Variants in DNM3 observed in about 807,000 individuals in gnomAD.
DNM3 encodes dynamin-3.
A neutral mutation model predicts 101.6 loss-of-function variants in DNM3; 47 were observed. That is an observed-to-expected ratio of 0.46 (90% CI 0.37 to 0.59). DNM3 has a LOEUF of 0.59. DNM3 is among the 20% of genes least tolerant of loss of function. The probability of loss-of-function intolerance (pLI) is 0.00; values close to 1 mark genes in which losing one functional copy is unlikely to be tolerated. For missense variants in DNM3, 849 were observed against 1,085.7 expected, an observed-to-expected ratio of 0.78 and a Z score of 3.06; for synonymous variants, 385 against 387.9, an observed-to-expected ratio of 0.99 and a Z score of 0.09.
At chr1:172,113,847 G>T (rs1279420978) in intron 13 of DNM3, among the ~76,000 whole-genome samples, 1 of 152,054 alleles carries the variant, frequency 6.6e-6, no homozygotes, top group African/African-American at 2.4e-5. Flanking sequence ...CAAATTTATT[G>T]TGAGTGTCTT....
intron 14 of DNM3, chr1:172,132,902 G>T: frequency 2.0e-6 from 2 of 1,019,458 alleles, no homozygotes; most frequent in Non-Finnish European, 3.0e-6. Flanking sequence ...ATTTAGTCTT[G>T]GCGAGGATAA....
intron 14 of DNM3, among the ~76,000 whole-genome samples, chr1:172,153,529 C>T (rs77733740): frequency 1.2e-3 from 177 of 152,232 alleles, no homozygotes; most frequent in Middle Eastern, 3.4e-3. Context: ...TTTTGCCCTT[C>T]TTCCTCCTCC....
At chr1:172,079,984 T>C (rs552861216) in intron 11 of DNM3, among the ~76,000 whole-genome samples, 1 of 152,310 alleles carries the variant, frequency 6.6e-6, no homozygotes, top group South Asian at 2.1e-4. Context: ...TGCCTGTTCC[T>C]TCCTCTGGAA....
chr1:172,218,230 A>G (rs953888944), intron 14 of DNM3, among the ~76,000 whole-genome samples: 8 of 152,166 alleles, frequency 5.3e-5, no homozygotes, highest in African/African-American at 1.9e-4. Flanking sequence ...CCAGACTCTT[A>G]AGAAAAGCAA....
At chr1:172,267,902 C>T (rs182849454) in intron 15 of DNM3, among the ~76,000 whole-genome samples, 138 of 152,080 alleles carry the variant, frequency 9.1e-4, no homozygotes, top group East Asian at 6.6e-3. Flanking sequence ...TTAGTAGAGA[C>T]GGGGTTTCAC....
At chr1:171,932,282 C>T (rs144564590) in intron 2 of DNM3, among the ~76,000 whole-genome samples, 224 of 151,518 alleles carry the variant, frequency 1.5e-3, no homozygotes, top group African/African-American at 4.5e-3. Context: ...GCTAGGACTA[C>T]GGGCATGCAC....
intron 14 of DNM3, among the ~76,000 whole-genome samples, chr1:172,166,254 T>C (rs1157023858): frequency 6.6e-6 from 1 of 152,116 alleles, no homozygotes; most frequent in African/African-American, 2.4e-5. Context: ...TGTGGTTGGT[T>C]AGTGGAATAA....
rs555985798 is a variant in DNM3 at position 172,406,981 on chromosome 1, A to G, written c.2523-791A>G. On this transcript the variant is annotated intron_variant, in intron 20 of 20. Transcript: ENST00000627582. ...AAATACACTAAAAAAACTTATTAAT[A>G]TATTTAGGAAATAAATGTAGAAGCT... Among the ~76,000 whole-genome samples, 47 of 151,984 alleles carry G rather than the reference A, an allele frequency of 3.1e-4. No individual in the cohort carries two copies. The East Asian group carries it at 3.5e-3, about 11-fold the overall frequency.
chr1:172,287,685 A>G (rs1019664486), intron 15 of DNM3, among the ~76,000 whole-genome samples: 3 of 152,020 alleles, frequency 2.0e-5, no homozygotes, highest in African/African-American at 7.3e-5. Flanking sequence ...GTACTTTGAG[A>G]CAACAGGCAA....
intron 1 of DNM3, among the ~76,000 whole-genome samples, chr1:171,903,768 G>A (rs1486402518): frequency 1.3e-5 from 2 of 152,118 alleles, no homozygotes; most frequent in Non-Finnish European, 2.9e-5. Flanking sequence ...GAAAAAGGGG[G>A]CTTAAGTAAC....
At chr1:171,928,741 TGCTAC>T (rs2040775178) in intron 2 of DNM3, among the ~76,000 whole-genome samples, 1 of 152,208 alleles carries the variant, frequency 6.6e-6, no homozygotes, top group South Asian at 2.1e-4. Context: ...ATTGCCAAGC[TGCTAC>T]TGGCTTGATT....
chr1:172,186,780 T>C (rs2059541595), intron 14 of DNM3, among the ~76,000 whole-genome samples: 1 of 152,166 alleles, frequency 6.6e-6, no homozygotes, highest in South Asian at 2.1e-4. Flanking sequence ...TTTGAAGTTC[T>C]GTAAACATTT....
intron 13 of DNM3, among the ~76,000 whole-genome samples, chr1:172,106,201 A>G (rs919078952): frequency 2.0e-5 from 3 of 152,174 alleles, no homozygotes; most frequent in Non-Finnish European, 4.4e-5. Flanking sequence ...CAGGCAGACC[A>G]TTTGAGGTCA....
At position 171,890,474 on chromosome 1, in the gene DNM3, A is replaced by G. The variant is rs16843493; in HGVS notation, c.162-31274A>G. On this transcript the variant is annotated intron_variant, in intron 1 of 20. Transcript: ENST00000627582. ...CCTTGTGTAAAACTGACTTTAAAAT[A>G]TGCATTTAACAAACCATATTTCAAA... is the stretch of plus-strand genomic sequence containing the variant. Among the ~76,000 whole-genome samples the G allele has an allele frequency of 3.1e-3, 471 of 152,354 alleles. 20 individuals are homozygous for G. In the East Asian group the frequency reaches 0.071, roughly 23 times the overall value.
intron 15 of DNM3, among the ~76,000 whole-genome samples, chr1:172,256,346 G>T (rs932513115): frequency 7.2e-5 from 11 of 151,952 alleles, no homozygotes; most frequent in African/African-American, 2.7e-4. Context: ...AGTATTTTTG[G>T]TAAGTAGGCT....
intron 14 of DNM3, among the ~76,000 whole-genome samples, chr1:172,192,482 T>C (rs1047481752): frequency 3.3e-5 from 5 of 150,032 alleles, no homozygotes; most frequent in African/African-American, 4.9e-5. Flanking sequence ...CCCACTAACT[T>C]GTCATCTAGC....
rs9425601 is a variant in DNM3, at chr1:172,408,122, G to A, written c.*281G>A. ...CTTTGGGGATCATTTGCCTACCATG[G>A]CATATATTTGAAATTGCTTTGGACA... On this transcript the variant is annotated 3_prime_UTR_variant, in exon 21 of 21. Transcript: ENST00000627582. 0.32 allele frequency: 387,879 copies of A among 1,193,678 alleles called. 64,010 individuals are homozygous for A. Among genetic ancestry groups the A allele is most frequent in the South Asian group, 0.38 (12,468 of 32,426 alleles). The allele number at this position is 1,193,678 out of a possible 1,614,324, so 73.9% of individuals were successfully genotyped here.
chr1:172,310,724 AG>A, intron 16 of DNM3: 1 of 152,418 alleles, frequency 6.6e-6, no homozygotes, highest in Middle Eastern at 3.4e-3. Flanking sequence ...GGGAAGACAA[AG>A]GTGGTAGTTG....
chr1:172,096,511 A>C (rs923381665), intron 13 of DNM3, among the ~76,000 whole-genome samples: 4 of 152,188 alleles, frequency 2.6e-5, no homozygotes, highest in Non-Finnish European at 5.9e-5. Flanking sequence ...AATCCAAAAA[A>C]TCTGTGATAA....
Sources: gnomAD v4.1 joint callset for allele counts (sites outside exome capture counted in the v4.1 genomes callset) on GRCh38, gnomAD v4.1.1 for gene constraint, MANE v1.5 for transcripts, NCBI Gene and HGNC (gene_info 2026-07-23, HGNC 2026-07-21) for gene names.